The following GTPBP10 variants were observed in gnomAD, a reference collection of about 807,000 sequenced individuals.
GTPBP10 encodes the protein GTP-binding protein 10.
In GTPBP10, 38 loss-of-function variants were observed where a neutral mutation model predicts 44.8. The observed-to-expected ratio is 0.85, with a 90% CI of 0.65 to 1.11. The LOEUF (loss-of-function observed/expected upper bound fraction) is 1.11. Ranked by LOEUF, GTPBP10 falls within the 50% of genes most tolerant of loss-of-function variation. The probability of loss-of-function intolerance (pLI) is 0.00; values close to 1 mark genes in which losing one functional copy is unlikely to be tolerated. For missense variants in GTPBP10, 462 were observed against 453.7 expected, an observed-to-expected ratio of 1.02 and a Z score of -0.17; for synonymous variants, 152 against 150.6, an observed-to-expected ratio of 1.01 and a Z score of -0.07.
chr7:90,374,755 A>G (rs529993353), intron 6 of GTPBP10, among the ~76,000 whole-genome samples: 1 of 152,328 alleles, frequency 6.6e-6, no homozygotes, highest in East Asian at 1.9e-4. Flanking sequence ...TCAACCAGCT[A>G]TTAAAATTCA....
At position 90,386,527 on chromosome 7, in the gene GTPBP10, A is replaced by G. The variant is rs1796527175; in HGVS notation, c.*1373A>G. The G allele has an allele frequency of 6.6e-6, 1 of 152,052 alleles. No individual in the cohort carries two copies. The highest frequency in any genetic ancestry group is 6.5e-5 in the Admixed American group (1 of 15,268). 9.4% of individuals were successfully genotyped at this position (152,052 alleles called of 1,614,324 possible). On this transcript the variant is annotated 3_prime_UTR_variant, in exon 10 of 10. Transcript: ENST00000222511. ...TTCCCACTTTCTTATTTTAGTAAAG[A>G]GAGAATAAATAGCAAGTGCAGGCCA...
At chr7:90,361,045 G>A (rs1051206411) in intron 4 of GTPBP10, among the ~76,000 whole-genome samples, 1 of 152,194 alleles carries the variant, frequency 6.6e-6, no homozygotes, top group African/African-American at 2.4e-5. Flanking sequence ...TGAGACGATG[G>A]TGTTTTCTAA....
rs11563548 is a variant in GTPBP10, at chr7:90,353,304, T to C, written c.227+295T>C. On this transcript the variant is annotated intron_variant, in intron 2 of 9. Transcript: ENST00000222511. The stretch of plus-strand genomic sequence containing the variant: ...CCCACTGTTTTCTTCTAAAATTATC[T>C]TTGACAACCTTTTAGAAAACTTTCA... The C allele has an allele frequency of 2.3e-3, 500 of 216,968 alleles. 2 individuals carry two copies. The highest frequency in any genetic ancestry group is 0.01 in the African/African-American group (457 of 43,674). 13.4% of individuals were successfully genotyped at this position (216,968 alleles called of 1,614,324 possible).
In GTPBP10 at chr7:90,385,279, AT is replaced by A. The variant is rs1796504937; in HGVS notation, c.*126del. 1 of 641,542 alleles carries A rather than the reference AT, an allele frequency of 1.6e-6. No individual in the cohort carries two copies. The highest frequency in any genetic ancestry group is 3.2e-5 in the Admixed American group (1 of 30,788). The allele number at this position is 641,542 out of a possible 1,614,324, so 39.7% of individuals were successfully genotyped here. A position where few individuals can be genotyped will look rare whatever the true frequency, so the allele number is the denominator to read the frequency against. ...CCAGGCTTAGAAAGACAAATGCTGCATAATCTCACTGTGGAATCTTAAGTTG... is the reference window on the plus strand; with the variant it reads ...CCAGGCTTAGAAAGACAAATGCTGCAAATCTCACTGTGGAATCTTAAGTTG... On this transcript the variant is annotated 3_prime_UTR_variant, in exon 10 of 10. Coordinates refer to ENST00000222511, the MANE Select transcript of GTPBP10 (RefSeq NM_033107.4).
chr7:90,354,950 A>G (rs1250459059), intron 3 of GTPBP10, 136 bp from the exon 4 acceptor site: 12 of 508,998 alleles, frequency 2.4e-5, no homozygotes, highest in Middle Eastern at 1.1e-3. Context: ...GTAAAATATT[A>G]CATTAATGAT....
At position 90,389,568 on chromosome 7, in the gene GTPBP10, G is replaced by T. The variant is rs1796580852; in HGVS notation, c.*4414G>T. 6.6e-6 allele frequency: 1 copy of T among 151,702 alleles called. No homozygotes were observed. Among genetic ancestry groups the T allele is most frequent in the African/African-American group, 2.4e-5 (1 of 41,262 alleles). 9.4% of individuals were successfully genotyped at this position (151,702 alleles called of 1,614,324 possible). A position where few individuals can be genotyped will look rare whatever the true frequency, so the allele number is the denominator to read the frequency against. ...CGTCCAGCTAATTTTTGTATTTTTA[G>T]TAGAGACGGGGTTTCACCATGTTGG... On this transcript the variant is annotated 3_prime_UTR_variant, in exon 10 of 10. Coordinates refer to ENST00000222511, the MANE Select transcript of GTPBP10 (RefSeq NM_033107.4).
rs555163110 is a variant in GTPBP10 at position 90,354,416 on chromosome 7, A to ACG, written c.228-41_228-40insGC. 52 of 941,414 alleles carry ACG rather than the reference A, an allele frequency of 5.5e-5. No homozygotes were observed. In the African/African-American group the frequency reaches 7.9e-4, roughly 14 times the overall value. The allele number at this position is 941,414 out of a possible 1,614,324, so 58.3% of individuals were successfully genotyped here. A position where few individuals can be genotyped will look rare whatever the true frequency, so the allele number is the denominator to read the frequency against. On this transcript the variant is annotated intron_variant, in intron 2 of 9. Transcript: ENST00000222511. ...TGTGTATGTGTGTGTGTGTATATAT[A>ACG]CACACACACATACATACATATATAT...
intron 9 of GTPBP10, among the ~76,000 whole-genome samples, chr7:90,383,453 A>G (rs932746212): frequency 6.6e-6 from 1 of 152,242 alleles, no homozygotes; most frequent in Non-Finnish European, 1.5e-5. Context: ...TTCGTCTAGT[A>G]CTGTACATCA....
rs531145848 is a variant in GTPBP10, at chr7:90,363,018, C to T, written c.464+7788C>T. 2.0e-5 allele frequency among the ~76,000 whole-genome samples: 3 copies of T among 152,148 alleles called. No homozygotes were observed. In the South Asian group the frequency reaches 6.2e-4, roughly 32 times the overall value. On this transcript the variant is annotated intron_variant, in intron 4 of 9. Coordinates refer to ENST00000222511, the MANE Select transcript of GTPBP10 (RefSeq NM_033107.4). ...CTTCCTCTATCCCTTTATTTTGAGCCTATGTGTGTCTCTGCATGTGAGATG... is the reference window on the plus strand; with the variant it reads ...CTTCCTCTATCCCTTTATTTTGAGCTTATGTGTGTCTCTGCATGTGAGATG...
rs749448857 is a variant in GTPBP10, at chr7:90,382,993, C to G, written c.815C>G (p.Pro272Arg). The change falls in exon 9 of 10, where the codon CCT (proline) becomes CGT (arginine). Residue 272 changes from proline to arginine, a missense_variant. Physicochemically the swap from Pro to Arg is moderately radical, Grantham distance 103. Transcript: ENST00000222511. ...TACAAAGAGGAACTTCAGACAAAACCTGCACTCTTGGCAGTTAATAAAATG... is the reference window on the plus strand; with the variant it reads ...TACAAAGAGGAACTTCAGACAAAACGTGCACTCTTGGCAGTTAATAAAATG... ...ELYKEELQTK[P>R]ALLAVNKMDL... The G allele has an allele frequency of 6.3e-7, 1 of 1,593,458 alleles. No homozygotes were observed. Among genetic ancestry groups the G allele is most frequent in the Non-Finnish European group, 8.6e-7 (1 of 1,166,854 alleles).
chr7:90,383,399 T>TGTGAA (rs1796465968), intron 9 of GTPBP10, among the ~76,000 whole-genome samples: 1 of 152,230 alleles, frequency 6.6e-6, no homozygotes, highest in African/African-American at 2.4e-5. Flanking sequence ...AGCATCTACC[T>TGTGAA]GTGAAGTCTT....
chr7:90,376,376 T>C (rs1193113883), intron 6 of GTPBP10, among the ~76,000 whole-genome samples: 1 of 152,026 alleles, frequency 6.6e-6, no homozygotes, highest in Non-Finnish European at 1.5e-5. Context: ...TGGCCAAAAG[T>C]AGGAGAAAGT....
At chr7:90,350,276 C>G (rs1008118552) in intron 1 of GTPBP10, among the ~76,000 whole-genome samples, 1 of 152,190 alleles carries the variant, frequency 6.6e-6, no homozygotes, top group African/African-American at 2.4e-5. Flanking sequence ...TGTATATGTG[C>G]CACATTTTCT....
In GTPBP10 at chr7:90,385,188, T is replaced by A; in HGVS notation, c.*34T>A. ...AAAATGGTATTGATGGAACAGTATT[T>A]AATGCTTAAAAACAAGGAAATCCTT... is the stretch of plus-strand genomic sequence containing the variant. On this transcript the variant is annotated 3_prime_UTR_variant, in exon 10 of 10. Coordinates refer to ENST00000222511, the MANE Select transcript of GTPBP10 (RefSeq NM_033107.4). The A allele has an allele frequency of 6.9e-7, 1 of 1,441,514 alleles. No individual in the cohort carries two copies. Among genetic ancestry groups the A allele is most frequent in the Non-Finnish European group, 9.4e-7 (1 of 1,062,344 alleles). 89.3% of individuals were successfully genotyped at this position (1,441,514 alleles called of 1,614,324 possible). A position where few individuals can be genotyped will look rare whatever the true frequency, so the allele number is the denominator to read the frequency against.
At position 90,378,180 on chromosome 7, in the gene GTPBP10, C is replaced by A; in HGVS notation, c.746C>A (p.Thr249Lys). ...FQLSSHTQYR[T>K]AFETIILLTK... is the part of the protein sequence containing the mutation. The stretch of plus-strand genomic sequence containing the variant: ...CTTTCTTCTCACACTCAATACAGGA[C>A]AGCTTTTGAAACCATAATACTGCTT... The change falls in exon 8 of 10, where the codon ACA (threonine) becomes AAA (lysine). Residue 249 changes from threonine (T) to lysine (K), a missense_variant. Thr to Lys is a moderately conservative substitution (Grantham distance 78). Coordinates refer to ENST00000222511, the MANE Select transcript of GTPBP10 (RefSeq NM_033107.4). 6.2e-7 allele frequency: 1 copy of A among 1,613,088 alleles called. No homozygotes were observed. The highest frequency in any genetic ancestry group is 1.1e-5 in the South Asian group (1 of 91,006).
chr7:90,352,241 A>AC (rs1795804268), intron 1 of GTPBP10, among the ~76,000 whole-genome samples: 1 of 152,184 alleles, frequency 6.6e-6, no homozygotes, highest in Non-Finnish European at 1.5e-5. Flanking sequence ...CTCAATGAAT[A>AC]TGTAAACCAT....
rs112256101 is a variant in GTPBP10, at chr7:90,354,993, C to A, written c.320-93C>A. The A allele has an allele frequency of 4.8e-3, 3,569 of 746,656 alleles. 81 individuals are homozygous for A. In the African/African-American group the frequency reaches 0.052, roughly 11 times the overall value. The allele number at this position is 746,656 out of a possible 1,614,324, so 46.3% of individuals were successfully genotyped here. Reference sequence around the variant, plus strand: ...ACTAATCTATAGATTTGTAATTTTGCATTTCTTTGCCTGTATTTCTGAAAG... The same window carrying A: ...ACTAATCTATAGATTTGTAATTTTGAATTTCTTTGCCTGTATTTCTGAAAG... On this transcript the variant is annotated intron_variant, in intron 3 of 9. Transcript: ENST00000222511.
rs1034957236 is a variant in GTPBP10 at position 90,388,717 on chromosome 7, T to C, written c.*3563T>C. 2 of 152,212 alleles carry C rather than the reference T, an allele frequency of 1.3e-5. No individual in the cohort carries two copies. Among genetic ancestry groups the C allele is most frequent in the African/African-American group, 4.8e-5 (2 of 41,456 alleles). The allele number at this position is 152,212 out of a possible 1,614,324, so 9.4% of individuals were successfully genotyped here. On this transcript the variant is annotated 3_prime_UTR_variant, in exon 10 of 10. Coordinates refer to ENST00000222511, the MANE Select transcript of GTPBP10 (RefSeq NM_033107.4). ...TAGATTTCTTGTAAAGTTATGTGTT[T>C]TCTTTTATCTCAGTGCTTATTTGCT...
At chr7:90,383,687 T>C (rs967803976) in intron 9 of GTPBP10, 1 of 152,226 alleles carries the variant, frequency 6.6e-6, no homozygotes, top group Non-Finnish European at 1.5e-5. Flanking sequence ...CAGTTTTGAA[T>C]ATTGACATTT....
Sources: allele counts gnomAD v4.1 joint callset (sites outside exome capture counted in the v4.1 genomes callset), GRCh38; gene constraint gnomAD v4.1.1; transcripts MANE v1.5; gene names NCBI Gene and HGNC (gene_info 2026-07-23, HGNC 2026-07-21).